GRM5: variants seen among roughly 807,000 people sequenced by gnomAD.
GRM5 encodes glutamate metabotropic receptor 5, also known as metabotropic glutamate receptor 5.
GRM5 carries 19 observed loss-of-function variants against 83.1 expected under a neutral mutation model. The ratio of observed to expected loss-of-function variants is 0.23; its 90% CI spans 0.16 to 0.34. GRM5 has a LOEUF of 0.34. Ranked by LOEUF, GRM5 falls within the 10% of genes least tolerant of loss-of-function variation. The pLI is 1.00. For missense variants in GRM5, 1,160 were observed against 1,588.3 expected (o/e 0.73, Z 4.58); for synonymous variants, 675 against 633.6 (o/e 1.07, Z -0.98).
intron 3 of GRM5, among the ~76,000 whole-genome samples, chr11:88,741,318 G>A (rs968729554): frequency 3.9e-5 from 6 of 151,962 alleles, no homozygotes; most frequent in Non-Finnish European, 1.5e-5. Context: ...TTGCAACTTG[G>A]TTGCAATAGG....
chr11:88,798,241 C>A (rs925789417), intron 3 of GRM5, among the ~76,000 whole-genome samples: 1 of 152,060 alleles, frequency 6.6e-6, no homozygotes, highest in African/African-American at 2.4e-5. Context: ...ATGACAATAT[C>A]GTTCAATTTT....
intron 3 of GRM5, among the ~76,000 whole-genome samples, chr11:88,686,528 G>A (rs1234961266): frequency 6.6e-6 from 1 of 152,026 alleles, no homozygotes; most frequent in African/African-American, 2.4e-5. Flanking sequence ...AGATTTGGAG[G>A]GGCCAGGGGC....
At position 88,794,961 on chromosome 11, in the gene GRM5, C is replaced by T. The variant is rs75222541; in HGVS notation, c.911+54945G>A. On this transcript the variant is annotated intron_variant, in intron 3 of 9. Transcript: ENST00000305447. ...GATATGGTGTGATTACCATCCTTCA[C>T]GATCTATTACATAAGAAAGAATTTC... Among the ~76,000 whole-genome samples, 418 of 152,266 alleles carry T rather than the reference C, an allele frequency of 2.7e-3. 3 individuals are homozygous for T. Among genetic ancestry groups the T allele is most frequent in the African/African-American group, 9.3e-3 (386 of 41,560 alleles).
At chr11:89,028,919 T>C (rs1276524985) in intron 2 of GRM5, among the ~76,000 whole-genome samples, 2 of 152,206 alleles carry the variant, frequency 1.3e-5, no homozygotes, top group Non-Finnish European at 2.9e-5. Context: ...GTATTTTTCC[T>C]AATGCTATCC....
At chr11:89,055,335 A>G (rs546099514) in intron 1 of GRM5, among the ~76,000 whole-genome samples, 1 of 152,216 alleles carries the variant, frequency 6.6e-6, no homozygotes, top group Non-Finnish European at 1.5e-5. Context: ...TTTAGTGAGT[A>G]TTGAATAAGC....
At chr11:88,874,742 C>T (rs779976457) in intron 2 of GRM5, among the ~76,000 whole-genome samples, 4 of 151,838 alleles carry the variant, frequency 2.6e-5, no homozygotes, top group South Asian at 2.1e-4. Flanking sequence ...GGAAATATTG[C>T]TGTTTTGATT....
intron 2 of GRM5, among the ~76,000 whole-genome samples, chr11:89,023,954 A>G (rs1375764237): frequency 1.3e-5 from 2 of 151,274 alleles, no homozygotes; most frequent in East Asian, 3.9e-4. Context: ...GGCCAGGCAC[A>G]GTGGCTCATG....
intron 3 of GRM5, among the ~76,000 whole-genome samples, chr11:88,712,403 G>A (rs900852125): frequency 6.6e-6 from 1 of 151,978 alleles, no homozygotes; most frequent in African/African-American, 2.4e-5. Flanking sequence ...GTTTGGTAGA[G>A]AAATGATGTC....
intron 4 of GRM5, among the ~76,000 whole-genome samples, chr11:88,637,778 C>A (rs1018475752): frequency 3.4e-5 from 5 of 147,940 alleles, no homozygotes; most frequent in East Asian, 2.0e-4. Context: ...CTAGAAATAC[C>A]ATTTGACCCA....
intron 3 of GRM5, among the ~76,000 whole-genome samples, chr11:88,815,420 T>C (rs1315681600): frequency 6.6e-6 from 1 of 152,194 alleles, no homozygotes; most frequent in Non-Finnish European, 1.5e-5. Flanking sequence ...GAGTTATCAA[T>C]TTAGGGCATT....
At chr11:88,721,271 A>AAT (rs1941533258) in intron 3 of GRM5, among the ~76,000 whole-genome samples, 1 of 152,102 alleles carries the variant, frequency 6.6e-6, no homozygotes, top group Admixed American at 6.6e-5. Flanking sequence ...CTAGAAATTC[A>AAT]ATCTTTTTTG....
At chr11:88,986,130 T>C (rs545239828) in intron 2 of GRM5, among the ~76,000 whole-genome samples, 9 of 152,312 alleles carry the variant, frequency 5.9e-5, no homozygotes, top group East Asian at 1.9e-4. Context: ...TAAATGACCA[T>C]GGTACATCCA....
intron 2 of GRM5, among the ~76,000 whole-genome samples, chr11:88,984,081 A>T (rs956056071): frequency 2.0e-5 from 3 of 152,164 alleles, no homozygotes; most frequent in Non-Finnish European, 4.4e-5. Context: ...AAAAAGTTAC[A>T]GTAAGTTTAT....
chr11:88,885,349 T>C (rs1286638758), intron 2 of GRM5, among the ~76,000 whole-genome samples: 1 of 151,102 alleles, frequency 6.6e-6, no homozygotes, highest in Non-Finnish European at 1.5e-5. Flanking sequence ...TTAAATTTCA[T>C]TATAATTAGA....
chr11:88,667,091 A>C (rs1023853190), intron 3 of GRM5, among the ~76,000 whole-genome samples: 1 of 152,190 alleles, frequency 6.6e-6, no homozygotes, highest in Admixed American at 6.6e-5. Flanking sequence ...AGAGAAATTT[A>C]AGAAACTAAA....
At chr11:88,715,911 G>T (rs548555261) in intron 3 of GRM5, among the ~76,000 whole-genome samples, 6 of 151,862 alleles carry the variant, frequency 4.0e-5, no homozygotes, top group African/African-American at 1.5e-4. Flanking sequence ...TTGGGTCTGG[G>T]AATTTCTATT....
chr11:88,652,251 G>C (rs894297423), intron 4 of GRM5, among the ~76,000 whole-genome samples: 1 of 151,822 alleles, frequency 6.6e-6, no homozygotes, highest in African/African-American at 2.4e-5. Flanking sequence ...AATGCATATG[G>C]GTTTCTTATA....
chr11:88,640,777 G>A (rs975316638), intron 4 of GRM5, among the ~76,000 whole-genome samples: 1 of 151,186 alleles, frequency 6.6e-6, no homozygotes, highest in South Asian at 2.1e-4. Context: ...TATACAGTGA[G>A]GTATAGGGGG....
chr11:88,772,411 AT>A (rs922746862), intron 3 of GRM5, among the ~76,000 whole-genome samples: 81 of 145,572 alleles, frequency 5.6e-4, no homozygotes, highest in Middle Eastern at 3.5e-3. Context: ...TACTTTTTTT[AT>A]TTTTTTTTTA....
Sources: gnomAD v4.1 joint callset for allele counts (sites outside exome capture counted in the v4.1 genomes callset) on GRCh38, gnomAD v4.1.1 for gene constraint, MANE v1.5 for transcripts, NCBI Gene and HGNC (gene_info 2026-07-23, HGNC 2026-07-21) for gene names.